Variants in GAGE1 observed in about 807,000 individuals in gnomAD.
GAGE1 encodes the protein G antigen 1.
GAGE1 carries 5 observed loss-of-function variants against 5.0 expected under a neutral mutation model. That is an observed-to-expected ratio of 1.00 (90% CI 0.52 to 2.11). The LOEUF (loss-of-function observed/expected upper bound fraction) is 2.11, where lower values mean the gene tolerates loss of function less well. Ranked by LOEUF, GAGE1 falls within the 30% of genes most tolerant of loss-of-function variation. The pLI is 0.01. For missense variants in GAGE1, 9 were observed against 38.9 expected (o/e 0.23, Z 2.04); for synonymous variants, 6 against 14.8 (o/e 0.40, Z 1.37).
chrX:49,604,181 T>A (rs868992430), intron 4 of GAGE1, among the ~76,000 whole-genome samples: 2 of 112,629 alleles, frequency 1.8e-5, no homozygotes, highest in East Asian at 5.6e-4. Context: ...AAGAGAGAGT[T>A]AACAATACTG....
At chrX:49,603,985 C>A (rs1380656511) in intron 4 of GAGE1, among the ~76,000 whole-genome samples, 192 bp downstream of exon 4, 1 of 112,765 alleles carries the variant, frequency 8.9e-6, no homozygotes, top group African/African-American at 3.2e-5. Context: ...CTGGCGGAGC[C>A]GGGGTTACAG....
At chrX:49,602,555 C>T (rs782623101) in intron 3 of GAGE1, among the ~76,000 whole-genome samples, 10 of 78,698 alleles carry the variant, frequency 1.3e-4, no homozygotes, top group African/African-American at 3.1e-4. Flanking sequence ...GTGCTGCCCA[C>T]ACACTCACAC....
intron 4 of GAGE1, chrX:49,604,980 T>G (rs782031457): frequency 2.2e-6 from 2 of 895,746 alleles, no homozygotes; most frequent in Non-Finnish European, 3.0e-6. Flanking sequence ...AGTAAAATTT[T>G]TTTTTTCATT....
At chrX:49,603,931 GA>G in intron 4 of GAGE1, 138 bp downstream of exon 4, 1 of 775,035 alleles carries the variant, frequency 1.3e-6, no homozygotes, top group Non-Finnish European at 1.8e-6. Flanking sequence ...CGGCTCACTG[GA>G]AATTCTGTCT....
chrX:49,604,969 G>A (rs2066644669), intron 4 of GAGE1: 1 of 805,296 alleles, frequency 1.2e-6, no homozygotes, highest in Non-Finnish European at 1.7e-6. Flanking sequence ...CAACGTACCT[G>A]AGTAAAATTT....
chrX:49,604,016 C>G (rs1184404535), intron 4 of GAGE1, among the ~76,000 whole-genome samples: 2 of 112,740 alleles, frequency 1.8e-5, no homozygotes, highest in South Asian at 3.7e-4. Flanking sequence ...CCGTGCCCAG[C>G]TAATTGTTGT....
intron 4 of GAGE1, among the ~76,000 whole-genome samples, chrX:49,604,311 G>C (rs1310121714): frequency 8.9e-6 from 1 of 112,556 alleles, no homozygotes; most frequent in African/African-American, 3.2e-5. Flanking sequence ...TGAATTAAAA[G>C]TTTTGAGTAT....
intron 4 of GAGE1, chrX:49,604,924 C>T: frequency 5.0e-6 from 2 of 399,104 alleles, no homozygotes; most frequent in South Asian, 2.9e-5. Flanking sequence ...CCTCCCACCT[C>T]AGCCTCCTGA....
chrX:49,605,330 A>G (rs1217414593), intron 4 of GAGE1, among the ~76,000 whole-genome samples: 35 of 112,560 alleles, frequency 3.1e-4, no homozygotes, highest in Admixed American at 2.4e-3. Context: ...GATAAGATTT[A>G]AAGTTGAAAG....
Position 49,606,007 on chromosome X carries a change from C to G in GAGE1, c.346C>G (p.Gln116Glu), listed in dbSNP as rs782307482. 23 of 1,072,516 alleles carry G rather than the reference C, an allele frequency of 2.1e-5. No individual in the cohort carries two copies. The highest frequency in any genetic ancestry group is 2.4e-5 in the Non-Finnish European group (20 of 822,486). The allele number at this position is 1,072,516 out of a possible 1,213,427, so 88.4% of individuals were successfully genotyped here. ...KTPEEGEGQS[Q>E]C ...TTTTGTTTCAGGTGAAGGGCAATCACAGTGTTAAAAGAAGACATGCTGAAA... is the reference window on the plus strand; with the variant it reads ...TTTTGTTTCAGGTGAAGGGCAATCAGAGTGTTAAAAGAAGACATGCTGAAA... The change falls in exon 5 of 5, where the codon CAG becomes GAG. Residue 116 changes from glutamine to glutamate, a missense_variant. Gln to Glu is a conservative substitution (Grantham distance 29). Transcript: ENST00000381700.
chrX:49,604,834 G>T (rs2066642936), intron 4 of GAGE1, among the ~76,000 whole-genome samples: 1 of 111,965 alleles, frequency 8.9e-6, no homozygotes. Flanking sequence ...TTGCGACGGA[G>T]TCTCAGTCTG....
intron 4 of GAGE1, chrX:49,604,981 T>G (rs2066644944): frequency 2.2e-6 from 2 of 906,528 alleles, no homozygotes; most frequent in Non-Finnish European, 1.5e-6. Flanking sequence ...GTAAAATTTT[T>G]TTTTTCATTT....
At chrX:49,604,890 C>T (rs782476878) in intron 4 of GAGE1, 32 of 284,741 alleles carry the variant, frequency 1.1e-4, no homozygotes, top group South Asian at 9.6e-4. Context: ...TCACTGCAAC[C>T]TCTGGCTCCC....
rs1461346086 is a variant in GAGE1 at position 49,606,222 on chromosome X, C to G, written c.*207C>G. 4 of 243,498 alleles carry G rather than the reference C, an allele frequency of 1.6e-5. No homozygotes were observed. Among genetic ancestry groups the G allele is most frequent in the Non-Finnish European group, 3.1e-5 (4 of 130,824 alleles). 20.1% of individuals were successfully genotyped at this position (243,498 alleles called of 1,213,427 possible). A position where few individuals can be genotyped will look rare whatever the true frequency, so the allele number is the denominator to read the frequency against. On this transcript the variant is annotated 3_prime_UTR_variant, in exon 5 of 5. Transcript: ENST00000381700. Reference sequence around the variant, plus strand: ...GAGCTGTGTGTAGAGGCATAATTCTCATGTATTGATTTTCTATCCAGCAAC... The same window carrying G: ...GAGCTGTGTGTAGAGGCATAATTCTGATGTATTGATTTTCTATCCAGCAAC...
At position 49,607,895 on chromosome X, in the gene GAGE1, G is replaced by A. The variant is rs2066667882; in HGVS notation, c.*1880G>A. 9.0e-6 allele frequency: 1 copy of A among 111,462 alleles called. No homozygotes were observed. Among genetic ancestry groups the A allele is most frequent in the South Asian group, 3.7e-4 (1 of 2,686 alleles). The allele number at this position is 111,462 out of a possible 1,213,427, so 9.2% of individuals were successfully genotyped here. A position where few individuals can be genotyped will look rare whatever the true frequency, so the allele number is the denominator to read the frequency against. ...GAATTACTTCTTTGTGCTAGGTTGT[G>A]TACATGTATGACCTCTTTAGATCCT... is the stretch of plus-strand genomic sequence containing the variant. On this transcript the variant is annotated 3_prime_UTR_variant, in exon 5 of 5. Transcript: ENST00000381700.
intron 3 of GAGE1, among the ~76,000 whole-genome samples, chrX:49,603,243 C>A (rs2066623901): frequency 1.8e-5 from 1 of 54,869 alleles, no homozygotes; most frequent in African/African-American, 7.5e-5. Flanking sequence ...GCAGAATATT[C>A]TGCAGTTTGG....
In GAGE1 at chrX:49,605,251, A is replaced by T. The variant is rs1445042828; in HGVS notation, c.332-742A>T. The stretch of plus-strand genomic sequence containing the variant: ...CTATTTCTAATAAGACTGTAGACAC[A>T]CATATGATATAATCATCTCTAATCA... On this transcript the variant is annotated intron_variant, in intron 4 of 4. Coordinates refer to ENST00000381700, the MANE Select transcript of GAGE1 (RefSeq NM_001040663.4). The T allele has an allele frequency of 1.5e-5, 10 of 645,416 alleles. No homozygotes were observed. The South Asian group carries it at 1.6e-4, about 10-fold the overall frequency. 53.2% of individuals were successfully genotyped at this position (645,416 alleles called of 1,213,427 possible). A position where few individuals can be genotyped will look rare whatever the true frequency, so the allele number is the denominator to read the frequency against.
intron 4 of GAGE1, among the ~76,000 whole-genome samples, chrX:49,604,284 C>T (rs1415942726): frequency 8.9e-6 from 1 of 112,632 alleles, no homozygotes; most frequent in Non-Finnish European, 1.9e-5. Context: ...GGGAAACAAG[C>T]TGAGTCAAAG....
At chrX:49,605,005 G>C in intron 4 of GAGE1, 1 of 982,584 alleles carries the variant, frequency 1.0e-6, no homozygotes, top group Non-Finnish European at 1.3e-6. Flanking sequence ...TAGAGATGAG[G>C]TCTCACTATG....
Sources: gnomAD v4.1 joint callset for allele counts (sites outside exome capture counted in the v4.1 genomes callset) on GRCh38, gnomAD v4.1.1 for gene constraint, MANE v1.5 for transcripts, NCBI Gene and HGNC (gene_info 2026-07-23, HGNC 2026-07-21) for gene names.